Variants in SGCZ observed in about 807,000 individuals in gnomAD.
SGCZ encodes zeta-sarcoglycan.
In SGCZ, 40 loss-of-function variants were observed where a neutral mutation model predicts 41.3. The ratio of observed to expected loss-of-function variants is 0.97; its 90% CI spans 0.75 to 1.26. SGCZ has a LOEUF of 1.26. Ranked by LOEUF, SGCZ falls within the 50% of genes most tolerant of loss-of-function variation. The pLI, the probability that SGCZ is intolerant of heterozygous loss-of-function variation, is 0.00. For missense variants in SGCZ, 552 were observed against 369.8 expected (o/e 1.49, Z -4.04); for synonymous variants, 206 against 137.5 (o/e 1.50, Z -3.49).
chr8:14,182,827 T>A (rs1194501561), intron 4 of SGCZ, among the ~76,000 whole-genome samples: 1 of 151,842 alleles, frequency 6.6e-6, no homozygotes, highest in East Asian at 1.9e-4. Flanking sequence ...CTGGTCAACA[T>A]TGTGAAACCC....
chr8:15,065,868 A>G (rs1049136922), intron 1 of SGCZ, among the ~76,000 whole-genome samples: 2 of 152,186 alleles, frequency 1.3e-5, no homozygotes, highest in Admixed American at 1.3e-4. Flanking sequence ...GAAGTGCAGT[A>G]ATATATTTTT....
At chr8:14,880,935 C>T (rs549766469) in intron 1 of SGCZ, among the ~76,000 whole-genome samples, 1 of 151,076 alleles carries the variant, frequency 6.6e-6, no homozygotes, top group Non-Finnish European at 1.5e-5. Flanking sequence ...GCACATGTAC[C>T]CTAAAACTTA....
rs4831295 is a variant in SGCZ at position 14,439,283 on chromosome 8, G to A, written c.235-115079C>T. Among the ~76,000 whole-genome samples the A allele has an allele frequency of 3.4e-3, 486 of 142,510 alleles. 1 individual carries two copies. The highest frequency in any genetic ancestry group is 6.3e-3 in the Admixed American group (89 of 14,150). 93.5% of individuals were successfully genotyped at this position (142,510 alleles called of 152,430 possible). On this transcript the variant is annotated intron_variant, in intron 2 of 7. Transcript: ENST00000382080. The stretch of plus-strand genomic sequence containing the variant: ...TTGGTATTGTTGCTAACAGTCCCTT[G>A]ATTAAAGAAAATATATAGAAGAAAG...
intron 2 of SGCZ, among the ~76,000 whole-genome samples, chr8:14,354,215 C>T (rs1036821308): frequency 2.0e-5 from 3 of 151,934 alleles, no homozygotes; most frequent in African/African-American, 7.2e-5. Context: ...GTGCCTCACA[C>T]AGTGCCTAAT....
chr8:14,894,062 A>G (rs1300994433), intron 1 of SGCZ, among the ~76,000 whole-genome samples: 1 of 152,188 alleles, frequency 6.6e-6, no homozygotes, highest in Non-Finnish European at 1.5e-5. Context: ...TTCACAGAAA[A>G]TATAAGAAAT....
At chr8:14,693,863 A>T (rs1226401232) in intron 1 of SGCZ, among the ~76,000 whole-genome samples, 3 of 152,054 alleles carry the variant, frequency 2.0e-5, no homozygotes, top group Non-Finnish European at 4.4e-5. Context: ...AAGTGCTGGG[A>T]TTATAGGCCT....
At chr8:14,189,677 A>G (rs1383710812) in intron 4 of SGCZ, among the ~76,000 whole-genome samples, 1 of 152,100 alleles carries the variant, frequency 6.6e-6, no homozygotes, top group Non-Finnish European at 1.5e-5. Flanking sequence ...TATGTCCTTT[A>G]CATTGTTGGT....
chr8:14,087,928 C>T lies in SGCZ; in HGVS notation c.*2515G>A, dbSNP rs79248606. ...CACTATATTTTCTACTGTACTGAAC[C>T]GATTTGTTATATCATCTGGATACAG... is the stretch of plus-strand genomic sequence containing the variant. On this transcript the variant is annotated 3_prime_UTR_variant, in exon 8 of 8. Coordinates refer to ENST00000382080, the MANE Select transcript of SGCZ (RefSeq NM_139167.4). Among the ~76,000 whole-genome samples, 18 of 151,676 alleles carry T rather than the reference C, an allele frequency of 1.2e-4. No individual in the cohort carries two copies. In the East Asian group the frequency reaches 1.8e-3, roughly 15 times the overall value.
intron 1 of SGCZ, among the ~76,000 whole-genome samples, chr8:15,028,586 C>T (rs1341406076): frequency 6.6e-6 from 1 of 152,012 alleles, no homozygotes; most frequent in Non-Finnish European, 1.5e-5. Flanking sequence ...GGAACACTAT[C>T]CAGATAAACT....
intron 2 of SGCZ, among the ~76,000 whole-genome samples, chr8:14,434,942 G>T (rs1044699076): frequency 6.6e-6 from 1 of 151,888 alleles, no homozygotes; most frequent in Non-Finnish European, 1.5e-5. Context: ...CATCTTTTGG[G>T]GAGTTGATCT....
chr8:14,684,275 C>G (rs1808537122), intron 1 of SGCZ, among the ~76,000 whole-genome samples: 1 of 152,124 alleles, frequency 6.6e-6, no homozygotes, highest in Non-Finnish European at 1.5e-5. Context: ...TTTCTATAAA[C>G]AACAGCTTGT....
At chr8:15,177,395 C>T (rs1299697822) in intron 1 of SGCZ, among the ~76,000 whole-genome samples, 2 of 152,128 alleles carry the variant, frequency 1.3e-5, no homozygotes, top group Non-Finnish European at 2.9e-5. Context: ...GAGGCCTTAC[C>T]TCAATGGATA....
At chr8:14,352,637 C>T (rs1394579988) in intron 2 of SGCZ, among the ~76,000 whole-genome samples, 2 of 152,010 alleles carry the variant, frequency 1.3e-5, no homozygotes, top group South Asian at 2.1e-4. Flanking sequence ...GTAACAAGCC[C>T]GTAGAGCTTG....
chr8:14,547,114 G>A (rs560128726), intron 2 of SGCZ, among the ~76,000 whole-genome samples: 5 of 151,692 alleles, frequency 3.3e-5, no homozygotes, highest in Non-Finnish European at 7.4e-5. Flanking sequence ...TATAATTCAG[G>A]GTATTTTACA....
chr8:14,773,710 C>G (rs1275761626), intron 1 of SGCZ, among the ~76,000 whole-genome samples: 1 of 152,146 alleles, frequency 6.6e-6, no homozygotes, highest in Non-Finnish European at 1.5e-5. Flanking sequence ...ATGCATCATA[C>G]AGAGCTGTCT....
chr8:14,206,858 G>C (rs558565906), intron 4 of SGCZ, among the ~76,000 whole-genome samples: 1 of 152,158 alleles, frequency 6.6e-6, no homozygotes, highest in East Asian at 1.9e-4. Flanking sequence ...CCCTAAGTTT[G>C]TTTTGTGTCT....
At chr8:14,257,981 G>C (rs34786320) in intron 3 of SGCZ, among the ~76,000 whole-genome samples, 58,262 of 151,802 alleles carry the variant, frequency 0.38, 12,576 homozygotes, top group Non-Finnish European at 0.5. Flanking sequence ...GCAGTGTCTC[G>C]AAGCAAATGA....
At chr8:14,573,201 T>A (rs1201864844) in intron 1 of SGCZ, among the ~76,000 whole-genome samples, 1 of 138,848 alleles carries the variant, frequency 7.2e-6, no homozygotes, top group African/African-American at 2.7e-5. Flanking sequence ...TTTTTTTTTT[T>A]TTTTTTTTTT....
chr8:14,948,648 G>T (rs2130831827), intron 1 of SGCZ, among the ~76,000 whole-genome samples: 1 of 152,130 alleles, frequency 6.6e-6, no homozygotes, highest in East Asian at 1.9e-4. Flanking sequence ...TCCTGCCAAG[G>T]TCACTAACTA....
Sources: gnomAD v4.1 joint callset for allele counts (sites outside exome capture counted in the v4.1 genomes callset) on GRCh38, gnomAD v4.1.1 for gene constraint, MANE v1.5 for transcripts, NCBI Gene and HGNC (gene_info 2026-07-23, HGNC 2026-07-21) for gene names.